IQCN: variants seen among roughly 807,000 people sequenced by gnomAD.
IQCN encodes IQ domain-containing protein N.
A neutral mutation model predicts 64.4 loss-of-function variants in IQCN; 46 were observed. The ratio of observed to expected loss-of-function variants is 0.71; its 90% CI spans 0.56 to 0.91. IQCN has a LOEUF of 0.91. Among genes scored for constraint, IQCN ranks in the 40% least tolerant of loss-of-function variants. The pLI, the probability that IQCN is intolerant of heterozygous loss-of-function variation, is 0.00. For synonymous variants in IQCN, 733 were observed against 775.6 expected (o/e 0.95, Z 0.91); for missense variants, 1,753 against 1,857.4 (o/e 0.94, Z 1.03).
chr19:18,257,185 T>C lies in IQCN; in HGVS notation c.4099A>G (p.Ile1367Val), dbSNP rs61740699. ...ASSRHMHWPG[I>V] ...CACTGCAGGGAGCCAGGGTCCTAGA[T>C]GCCAGGCCAATGCATGTGCCGTGAG... Residue 1367 changes from isoleucine (I) to valine (V), a missense_variant, in exon 4 of 4, where the codon ATC becomes GTC. Coordinates refer to ENST00000392413, the MANE Select transcript of IQCN (RefSeq NM_001145304.2). 3.1e-6 allele frequency: 5 copies of C among 1,612,748 alleles called. No homozygotes were observed. In the East Asian group the frequency reaches 1.1e-4, roughly 36 times the overall value.
Position 18,257,152 on chromosome 19 carries a change from G to A in IQCN, c.*28C>T, listed in dbSNP as rs377455825. On this transcript the variant is annotated 3_prime_UTR_variant, in exon 4 of 4. Coordinates refer to ENST00000392413, the MANE Select transcript of IQCN (RefSeq NM_001145304.2). ...CCAGAGAGCCATGAGTGCCTCCCAC[G>A]AAGTCCCCACTGCAGGGAGCCAGGG... 5.1e-5 allele frequency: 82 copies of A among 1,605,408 alleles called. No individual in the cohort carries two copies. The highest frequency in any genetic ancestry group is 6.1e-5 in the Non-Finnish European group (72 of 1,177,410).
Position 18,257,291 on chromosome 19 carries a change from T to C in IQCN, c.3993A>G (p.Gln1331=), listed in dbSNP as rs1038034964. ...RQQQMAAKIV[Q]ATWRGHHTRS... is the part of the protein sequence containing the mutation. ...GGGTATGGTGGCCTCGCCAGGTGGC[T>C]TGAACTATCTTCGCTGCCATTTGCT... Residue 1331 remains glutamine (Q), a synonymous_variant, in exon 4 of 4, where the codon CAA becomes CAG. Transcript: ENST00000392413. 10 of 1,613,546 alleles carry C rather than the reference T, an allele frequency of 6.2e-6. No homozygotes were observed. The highest frequency in any genetic ancestry group is 4.0e-5 in the African/African-American group (3 of 74,960).
Position 18,257,652 on chromosome 19 carries a change from C to T in IQCN, c.3632G>A (p.Arg1211Lys). 2.5e-6 allele frequency: 4 copies of T among 1,609,766 alleles called. No individual in the cohort carries two copies. Among genetic ancestry groups the T allele is most frequent in the South Asian group, 1.1e-5 (1 of 90,856 alleles). ...MSDRSWFQDG[R>K]ARTVSDHRCF... ...GCGATGGTCAGATACTGTCCTGGCT[C>T]TGCCATCCTGGAACCAGCTTCGGTC... The change falls in exon 4 of 4, where the codon AGA (arginine) becomes AAA (lysine). Residue 1211 changes from arginine (R) to lysine (K), a missense_variant. Coordinates refer to ENST00000392413, the MANE Select transcript of IQCN (RefSeq NM_001145304.2).
At chr19:18,269,396 C>G in intron 2 of IQCN, 70 bp downstream of exon 2, 1 of 1,519,026 alleles carries the variant, frequency 6.6e-7, no homozygotes, top group East Asian at 2.3e-5. Context: ...GCACAGCACA[C>G]TTGTTTGGCA....
chr19:18,265,101 CG>C lies in IQCN; in HGVS notation c.2438del (p.Pro813ArgfsTer61). ...QTQPQPHGHV[P>X]GKTTQGGPCP... ...ATGGTCCCCCCTGAGTGGTCTTCCC[CG>C]GCACGTGTCCGTGGGGCTGTGGCTG... On this transcript the variant is annotated frameshift_variant, in exon 3 of 4. Transcript: ENST00000392413. LOFTEE classifies it high-confidence loss of function. The surrounding 1 kb of genome is among the most constrained non-coding windows in gnomAD (Gnocchi z 4.7). 1.2e-6 allele frequency: 2 copies of C among 1,602,772 alleles called. No homozygotes were observed. Among genetic ancestry groups the C allele is most frequent in the Non-Finnish European group, 8.5e-7 (1 of 1,179,668 alleles).
intron 1 of IQCN, among the ~76,000 whole-genome samples, chr19:18,272,756 G>A (rs1292284883): frequency 1.3e-5 from 2 of 150,998 alleles, no homozygotes; most frequent in African/African-American, 4.9e-5. Flanking sequence ...GACTACAGGC[G>A]CCTGCCACCA....
rs1969630215 is a variant in IQCN at position 18,267,523 on chromosome 19, C to T, written c.17G>A (p.Arg6Lys). The T allele has an allele frequency of 6.6e-7, 1 of 1,517,460 alleles. No individual in the cohort carries two copies. The highest frequency in any genetic ancestry group is 1.4e-5 in the African/African-American group (1 of 71,668). 94.0% of individuals were successfully genotyped at this position (1,517,460 alleles called of 1,614,324 possible). Reference protein sequence around the residue: MTLQGRADLSGNQGNA... With the variant: MTLQGKADLSGNQGNA... ...GCCTTGATTACCGGACAGGTCAGCT[C>T]TGCCTGTGGGGGCGGCAGGGGGTGG... The change falls in exon 3 of 4, where the codon AGA becomes AAA. Residue 6 changes from arginine (R) to lysine (K), a missense_variant. By Grantham distance (26) the Arg-to-Lys change is conservative. Transcript: ENST00000392413.
Position 18,265,437 on chromosome 19 carries a change from G to C in IQCN, c.2103C>G (p.Thr701=), listed in dbSNP as rs775826054. 1.1e-4 allele frequency: 179 copies of C among 1,614,022 alleles called. 2 individuals are homozygous for C. In the Middle Eastern group the frequency reaches 1.8e-3, roughly 16 times the overall value. ...SSQGHLPTEL[T]KTPSLAHLDT... ...CCAGATGGGCCAGGGATGGGGTCTT[G>C]GTCAGCTCAGTGGGCAGATGTCCCT... is the stretch of plus-strand genomic sequence containing the variant. The change falls in exon 3 of 4, where the codon ACC becomes ACG. Residue 701 remains threonine, a synonymous_variant. Transcript: ENST00000392413. This position sits in a 1 kb window ranked among gnomAD's most constrained non-coding sequence, Gnocchi z 4.7.
rs1009055234 is a variant in IQCN, at chr19:18,264,647, T to C, written c.2893A>G (p.Lys965Glu). The part of the protein sequence containing the change: ...SRGELRAELT[K>E]VMQGKLAEVL... ...TCGGCCAATTTACCCTGCATGACCT[T>C]GGTGAGTTCCGCCCGCAGCTCGCCC... The change falls in exon 3 of 4, where the codon AAG becomes GAG. Residue 965 changes from lysine to glutamate, a missense_variant. By Grantham distance (56) the Lys-to-Glu change is moderately conservative. Transcript: ENST00000392413. The surrounding 1 kb of genome is among the most constrained non-coding windows in gnomAD (Gnocchi z 4.3). The C allele has an allele frequency of 6.4e-7, 1 of 1,551,204 alleles. No individual in the cohort carries two copies. Among genetic ancestry groups the C allele is most frequent in the Admixed American group, 2.0e-5 (1 of 50,978 alleles).
chr19:18,259,980 A>C (rs73003205), intron 3 of IQCN: 13,943 of 152,500 alleles, frequency 0.091, 846 homozygotes, highest in Non-Finnish European at 0.13. Context: ...ATTCCCAGCT[A>C]GGCCAGGAGA....
chr19:18,273,204 G>A (rs955557404), intron 1 of IQCN, among the ~76,000 whole-genome samples: 1 of 150,950 alleles, frequency 6.6e-6, no homozygotes, highest in South Asian at 2.1e-4. Flanking sequence ...GCTAACTTTT[G>A]TATTTTTAGT....
chr19:18,272,371 A>G (rs1285238962), intron 1 of IQCN, among the ~76,000 whole-genome samples: 5 of 135,950 alleles, frequency 3.7e-5, no homozygotes, highest in East Asian at 4.5e-4. Context: ...CAGGTGATCC[A>G]CCCACCTTGG....
chr19:18,269,331 C>T, intron 2 of IQCN, 135 bp downstream of exon 2: 5 of 821,226 alleles, frequency 6.1e-6, no homozygotes, highest in Non-Finnish European at 1.0e-5. Context: ...TCAGAAGTAA[C>T]TAGGATGCAG....
chr19:18,272,792 A>T (rs1179314818), intron 1 of IQCN, among the ~76,000 whole-genome samples: 1 of 151,664 alleles, frequency 6.6e-6, no homozygotes, highest in Non-Finnish European at 1.5e-5. Flanking sequence ...TTGTATTTTT[A>T]GTAGAGACGG....
chr19:18,259,597 T>C (rs1969384428), intron 3 of IQCN: 1 of 152,284 alleles, frequency 6.6e-6, no homozygotes, highest in South Asian at 2.1e-4. Flanking sequence ...CTCATTCTAC[T>C]GGCTACAAAA....
chr19:18,269,022 C>G (rs905050344), intron 2 of IQCN, among the ~76,000 whole-genome samples: 2 of 149,970 alleles, frequency 1.3e-5, no homozygotes, highest in Non-Finnish European at 3.0e-5. Context: ...CCCAGCTAGT[C>G]GGGAGGCTGA....
rs570544458 is a variant in IQCN at position 18,266,938 on chromosome 19, A to T, written c.602T>A (p.Val201Asp). Residue 201 changes from valine (V) to aspartate (D), a missense_variant, in exon 3 of 4, where the codon GTC (valine) becomes GAC (aspartate). Transcript: ENST00000392413. This position sits in a 1 kb window ranked among gnomAD's most constrained non-coding sequence, Gnocchi z 4.3. ...GGGGGACGACTGGGGTCTGCAGAGG[A>T]CCAGATTGTCACAGGAAGGGAACTG... is the stretch of plus-strand genomic sequence containing the variant. ...ETQFPSCDNL[V>D]LCRPQSSPLL... is the part of the protein sequence containing the mutation. 13 of 1,611,086 alleles carry T rather than the reference A, an allele frequency of 8.1e-6. No homozygotes were observed. In the South Asian group the frequency reaches 1.3e-4, roughly 16 times the overall value.
At chr19:18,258,295 T>A (rs1489521562) in intron 3 of IQCN, 189 bp from the exon 4 acceptor site, 1 of 727,364 alleles carries the variant, frequency 1.4e-6, no homozygotes, top group South Asian at 1.5e-5. Flanking sequence ...GAGGAGTGTG[T>A]CATCTCCCCA....
Position 18,264,240 on chromosome 19 carries a change from G to A in IQCN, c.3177+123C>T. The A allele has an allele frequency of 3.5e-6, 3 of 856,962 alleles. No individual in the cohort carries two copies. Among genetic ancestry groups the A allele is most frequent in the East Asian group, 2.7e-5 (1 of 37,204 alleles). The allele number at this position is 856,962 out of a possible 1,614,324, so 53.1% of individuals were successfully genotyped here. A position where few individuals can be genotyped will look rare whatever the true frequency, so the allele number is the denominator to read the frequency against. Reference sequence around the variant, plus strand: ...GCTACCCATCACCGAGGCTCCCACAGTGACCACAGATAAGCAGGGTGACCC... The same window carrying A: ...GCTACCCATCACCGAGGCTCCCACAATGACCACAGATAAGCAGGGTGACCC... On this transcript the variant is annotated intron_variant, in intron 3 of 3. Transcript: ENST00000392413. This position sits in a 1 kb window ranked among gnomAD's most constrained non-coding sequence, Gnocchi z 4.3.
Sources: gnomAD v4.1 joint callset for allele counts (sites outside exome capture counted in the v4.1 genomes callset) on GRCh38, gnomAD v4.1.1 for gene constraint, Gnocchi (gnomAD v3.1) non-coding constraint, MANE v1.5 for transcripts, NCBI Gene and HGNC (gene_info 2026-07-23, HGNC 2026-07-21) for gene names.